Variants in MYCBP2 observed in about 807,000 individuals in gnomAD.
MYCBP2 encodes the protein MYC binding protein 2, also known as E3 ubiquitin-protein ligase MYCBP2.
A neutral mutation model predicts 525.3 loss-of-function variants in MYCBP2; 120 were observed. The observed-to-expected ratio is 0.23, with a 90% CI of 0.20 to 0.27. The LOEUF (loss-of-function observed/expected upper bound fraction) is 0.27, where lower values mean the gene tolerates loss of function less well. MYCBP2 is among the 10% of genes least tolerant of loss of function. The pLI, the probability that MYCBP2 is intolerant of heterozygous loss-of-function variation, is 1.00. For missense variants in MYCBP2, 4,149 were observed against 5,657.1 expected (o/e 0.73, Z 8.55); for synonymous variants, 1,894 against 1,955.8 (o/e 0.97, Z 0.83).
At chr13:77,092,457 T>C (rs2045591973) in intron 59 of MYCBP2, 1 of 152,086 alleles carries the variant, frequency 6.6e-6, no homozygotes, top group Non-Finnish European at 1.5e-5. Context: ...ACTCTATTTT[T>C]TTTTTTCCTC....
chr13:77,045,429 C>T lies in MYCBP2; in HGVS notation c.13986G>A (p.Gly4662=). Residue 4662 remains glycine, a synonymous_variant, in exon 83 of 83, where the codon GGG becomes GGA. Transcript: ENST00000544440. ...CPLHVVHPPT[G]EEFALGCGVC... is the part of the protein sequence containing the mutation. Reference sequence around the variant, plus strand: ...CTCCACATCCCAGAGCAAACTCTTCCCCAGTGGGTGGATGAACAACATGGA... The same window carrying T: ...CTCCACATCCCAGAGCAAACTCTTCTCCAGTGGGTGGATGAACAACATGGA... The T allele has an allele frequency of 3.7e-6, 6 of 1,614,174 alleles. No individual in the cohort carries two copies. The highest frequency in any genetic ancestry group is 1.7e-4 in the Middle Eastern group (1 of 6,060).
At chr13:77,084,808 A>G (rs1233887914) in intron 62 of MYCBP2, among the ~76,000 whole-genome samples, 1 of 152,042 alleles carries the variant, frequency 6.6e-6, no homozygotes, top group Non-Finnish European at 1.5e-5. Context: ...CCAGGACCCT[A>G]GGGATATTTT....
chr13:77,265,104 C>G (rs1160973160), intron 8 of MYCBP2, among the ~76,000 whole-genome samples: 1 of 152,082 alleles, frequency 6.6e-6, no homozygotes, highest in Non-Finnish European at 1.5e-5. Context: ...CATAAATATG[C>G]AAAACACAGG....
At chr13:77,280,763 G>A (rs1201432036) in intron 3 of MYCBP2, among the ~76,000 whole-genome samples, 2 of 152,128 alleles carry the variant, frequency 1.3e-5, no homozygotes, top group Non-Finnish European at 2.9e-5. Flanking sequence ...AGAGCTAGCC[G>A]GTTTTAGTGA....
At chr13:77,185,727 T>A in intron 31 of MYCBP2, 144 bp downstream of exon 31, 1 of 603,824 alleles carries the variant, frequency 1.7e-6, no homozygotes, top group South Asian at 3.1e-5. Flanking sequence ...TACATAAGCA[T>A]CATAGCAAGC....
rs1429025747 is a variant in MYCBP2, at chr13:77,188,967, G to A, written c.4235C>T (p.Ala1412Val). Residue 1412 changes from alanine (A) to valine (V), a missense_variant, in exon 30 of 83, where the codon GCA becomes GTA. Physicochemically the swap from Ala to Val is moderately conservative, Grantham distance 64 (BLOSUM62 0). Around this residue, in one of 21 missense-constraint regions of MYCBP2, gnomAD observed 292 missense variants for 330.5 expected, o/e 0.88. Coordinates refer to ENST00000544440, the MANE Select transcript of MYCBP2 (RefSeq NM_015057.5). ...ATGGCTTACCACTGAGACAGTTCTT[G>A]CAAAAGACCTCTTTAAAATGTGTAC... ...EPVHILKRSFARTVSVECFES... is the reference protein window; with the variant it reads ...EPVHILKRSFVRTVSVECFES... The A allele has an allele frequency of 1.9e-6, 3 of 1,597,768 alleles. No individual in the cohort carries two copies. The highest frequency in any genetic ancestry group is 2.6e-6 in the Non-Finnish European group (3 of 1,173,574).
chr13:77,127,280 G>A (rs538134522), intron 52 of MYCBP2, among the ~76,000 whole-genome samples: 11 of 151,958 alleles, frequency 7.2e-5, no homozygotes, highest in Admixed American at 3.3e-4. Flanking sequence ...TAAATATAAC[G>A]TAAATTTATT....
At chr13:77,206,538 A>C (rs1389081897) in intron 24 of MYCBP2, 115 bp downstream of exon 24, 2 of 996,866 alleles carry the variant, frequency 2.0e-6, no homozygotes, top group East Asian at 2.8e-5. Flanking sequence ...TATTTTGTAC[A>C]TTATTATTAT....
At chr13:77,050,416 T>A (rs894908417) in intron 82 of MYCBP2, among the ~76,000 whole-genome samples, 2 of 152,226 alleles carry the variant, frequency 1.3e-5, no homozygotes, top group African/African-American at 4.8e-5. Flanking sequence ...CCGTGAAGCC[T>A]GGTATTCCAC....
At chr13:77,147,606 C>T (rs1026194490) in intron 47 of MYCBP2, among the ~76,000 whole-genome samples, 4 of 152,036 alleles carry the variant, frequency 2.6e-5, no homozygotes, top group African/African-American at 7.2e-5. Flanking sequence ...TAGAAATGAT[C>T]TAGCTGACTT....
At chr13:77,053,402 T>C (rs1044367017) in intron 80 of MYCBP2, among the ~76,000 whole-genome samples, 1 of 152,138 alleles carries the variant, frequency 6.6e-6, no homozygotes, top group Non-Finnish European at 1.5e-5. Context: ...TATGTCCGGA[T>C]TGGGAATAAA....
Position 77,055,545 on chromosome 13 carries a change from A to G in MYCBP2, c.13647+13T>C. 6.2e-7 allele frequency: 1 copy of G among 1,609,952 alleles called. No individual in the cohort carries two copies. Among genetic ancestry groups the G allele is most frequent in the Non-Finnish European group, 8.5e-7 (1 of 1,177,294 alleles). On this transcript the variant is annotated intron_variant, in intron 80 of 82. Coordinates refer to ENST00000544440, the MANE Select transcript of MYCBP2 (RefSeq NM_015057.5). ...CTAGTTTTTAAAACTTCTCAGTATA[A>G]TTTATAGCATACCTTTCTGCATTTG...
intron 34 of MYCBP2, among the ~76,000 whole-genome samples, chr13:77,179,843 A>G (rs944518132): frequency 2.0e-5 from 3 of 152,126 alleles, no homozygotes; most frequent in Admixed American, 1.3e-4. Flanking sequence ...TTTGCTTTTC[A>G]CGGGGCATGG....
At chr13:77,247,669 A>G (rs919367837) in intron 15 of MYCBP2, among the ~76,000 whole-genome samples, 12 of 152,232 alleles carry the variant, frequency 7.9e-5, no homozygotes, top group African/African-American at 2.9e-4. Flanking sequence ...AAAACTTACT[A>G]CAAATCTACA....
rs554307705 is a variant in MYCBP2 at position 77,096,438 on chromosome 13, C to A, written c.9828G>T (p.Gly3276=). ...TACCAGCCCATCCTCCACAAAAATGCCCAATGCTATTGTAACCTTGTCCAC... is the reference window on the plus strand; with the variant it reads ...TACCAGCCCATCCTCCACAAAAATGACCAATGCTATTGTAACCTTGTCCAC... The part of the protein sequence containing the change: ...YAGGQGYNSI[G]HFCGGWAGNC... Residue 3276 remains glycine (G), a synonymous_variant, in exon 57 of 83, where the codon GGG becomes GGT. Transcript: ENST00000544440. The A allele has an allele frequency of 1.2e-5, 19 of 1,613,338 alleles. No individual in the cohort carries two copies. Among genetic ancestry groups the A allele is most frequent in the East Asian group, 2.2e-5 (1 of 44,842 alleles).
chr13:77,140,675 T>C (rs1431997096), intron 50 of MYCBP2, among the ~76,000 whole-genome samples, 171 bp downstream of exon 50: 5 of 152,226 alleles, frequency 3.3e-5, no homozygotes, highest in South Asian at 2.1e-4. Flanking sequence ...GAAGTACACA[T>C]GCTACAACTT....
At position 77,053,039 on chromosome 13, in the gene MYCBP2, G is replaced by C. The variant is rs575473634; in HGVS notation, c.13648-1121C>G. On this transcript the variant is annotated intron_variant, in intron 80 of 82. Transcript: ENST00000544440. ...TGTGGTCCCAGCTACTGAGAAGGCTGAGGTGGGAGGCTTGTTTGAGCCCAG... is the reference window on the plus strand; with the variant it reads ...TGTGGTCCCAGCTACTGAGAAGGCTCAGGTGGGAGGCTTGTTTGAGCCCAG... Among the ~76,000 whole-genome samples, 33 of 152,132 alleles carry C rather than the reference G, an allele frequency of 2.2e-4. No individual in the cohort carries two copies. The South Asian group carries it at 6.7e-3, about 31-fold the overall frequency.
chr13:77,261,031 C>A, intron 12 of MYCBP2, 140 bp downstream of exon 12: 1 of 615,920 alleles, frequency 1.6e-6, no homozygotes, highest in Non-Finnish European at 2.7e-6. Context: ...ATTTATTAAG[C>A]AGTTACATCA....
chr13:77,137,126 C>T (rs997952407), intron 52 of MYCBP2, among the ~76,000 whole-genome samples: 2 of 152,186 alleles, frequency 1.3e-5, no homozygotes, highest in Non-Finnish European at 2.9e-5. Flanking sequence ...CTCCTTACCG[C>T]TCCTCTAACC....
Sources: allele counts gnomAD v4.1 joint callset (sites outside exome capture counted in the v4.1 genomes callset), GRCh38; gene constraint gnomAD v4.1.1; regional missense constraint gnomAD v4.1.1; transcripts MANE v1.5; gene names NCBI Gene and HGNC (gene_info 2026-07-23, HGNC 2026-07-21).